Variants in FRMPD3 observed in about 807,000 individuals in gnomAD.
FRMPD3 encodes FERM and PDZ domain containing 3.
A neutral mutation model predicts 97.9 loss-of-function variants in FRMPD3; 42 were observed. That is an observed-to-expected ratio of 0.43 (90% confidence interval 0.34 to 0.55). FRMPD3 has a LOEUF of 0.55. Ranked by LOEUF, FRMPD3 falls within the 20% of genes least tolerant of loss-of-function variation. The probability of loss-of-function intolerance (pLI) is 0.03; values close to 1 mark genes in which losing one functional copy is unlikely to be tolerated. For synonymous variants in FRMPD3, 577 were observed against 581.1 expected (o/e 0.99, Z 0.10); for missense variants, 1,303 against 1,457.7 (o/e 0.89, Z 1.73).
At chrX:107,514,529 CTTTT>C (rs753016000) in intron 1 of FRMPD3, among the ~76,000 whole-genome samples, 1 of 95,491 alleles carries the variant, frequency 1.0e-5, no homozygotes. Flanking sequence ...TTTCCTTTTC[CTTTT>C]TTTTTTTTTT....
At position 107,595,541 on chromosome X, in the gene FRMPD3, G is replaced by A. The variant is rs570890894; in HGVS notation, c.1442-1780G>A. 4.2e-4 allele frequency among the ~76,000 whole-genome samples: 47 copies of A among 111,562 alleles called. 1 individual carries two copies. The South Asian group carries it at 0.017, about 40-fold the overall frequency. On this transcript the variant is annotated intron_variant, in intron 13 of 14. Coordinates refer to ENST00000683843, the MANE Select transcript of FRMPD3 (RefSeq NM_001388459.1). ...ATGTATATTCTGCTGCTGTTAAGTA[G>A]ATGGTTCTATAGATTTCGGTTAGGT... is the stretch of plus-strand genomic sequence containing the variant.
chrX:107,476,804 G>C (rs1489170258), intron 1 of FRMPD3, among the ~76,000 whole-genome samples: 2 of 112,690 alleles, frequency 1.8e-5, no homozygotes, highest in Admixed American at 1.9e-4. Context: ...CCTTACAGAT[G>C]AAGAAGCTAC....
chrX:107,527,051 A>G (rs904322686), intron 2 of FRMPD3, among the ~76,000 whole-genome samples: 25 of 111,755 alleles, frequency 2.2e-4, no homozygotes, highest in African/African-American at 6.2e-4. Context: ...AAAAAAATGT[A>G]CCTATTCTAT....
At chrX:107,478,628 A>G (rs968562829) in intron 1 of FRMPD3, among the ~76,000 whole-genome samples, 10 of 111,908 alleles carry the variant, frequency 8.9e-5, no homozygotes, top group African/African-American at 3.2e-4. Flanking sequence ...CTCGTTTTAA[A>G]TCCTTTCTGA....
chrX:107,525,767 A>G, intron 1 of FRMPD3: 1 of 490,573 alleles, frequency 2.0e-6, no homozygotes, highest in Non-Finnish European at 3.7e-6. Flanking sequence ...CTTAAGATGT[A>G]TTCAAGTTTA....
At chrX:107,458,895 G>C (rs1042319461) in intron 1 of FRMPD3, among the ~76,000 whole-genome samples, 2 of 111,337 alleles carry the variant, frequency 1.8e-5, no homozygotes, top group Non-Finnish European at 3.8e-5. Context: ...AATCCAAAAG[G>C]CTCTCAAGGC....
At chrX:107,582,186 C>CTT (rs1204660012) in intron 13 of FRMPD3, among the ~76,000 whole-genome samples, 1 of 102,754 alleles carries the variant, frequency 9.7e-6, no homozygotes, top group African/African-American at 3.5e-5. Flanking sequence ...TACTGTCCAT[C>CTT]TTTTTTTTTT....
chrX:107,579,391 A>T (rs766021397), intron 13 of FRMPD3, among the ~76,000 whole-genome samples: 7 of 112,268 alleles, frequency 6.2e-5, no homozygotes, highest in Non-Finnish European at 1.3e-4. Flanking sequence ...CTTGGGCTTT[A>T]TCAGTAGCTT....
At chrX:107,485,989 C>T (rs187542261) in intron 1 of FRMPD3, among the ~76,000 whole-genome samples, 31 of 112,149 alleles carry the variant, frequency 2.8e-4, no homozygotes, top group Non-Finnish European at 4.7e-4. Flanking sequence ...CTTCTCTGGC[C>T]GCGACTAAAC....
intron 12 of FRMPD3, among the ~76,000 whole-genome samples, chrX:107,568,741 T>C (rs1048044873): frequency 2.8e-5 from 3 of 107,191 alleles, no homozygotes; most frequent in Admixed American, 2.0e-4. Context: ...CTCAAAAAAA[T>C]AGAAAAAAAA....
chrX:107,528,867 G>C (rs919885983), intron 2 of FRMPD3, among the ~76,000 whole-genome samples: 1 of 112,945 alleles, frequency 8.9e-6, no homozygotes, highest in East Asian at 2.8e-4. Context: ...ATTGCTCCTC[G>C]AGCAATGAAT....
At chrX:107,514,074 G>C (rs1457056804) in intron 1 of FRMPD3, among the ~76,000 whole-genome samples, 1 of 111,618 alleles carries the variant, frequency 9.0e-6, no homozygotes, top group Non-Finnish European at 1.9e-5. Flanking sequence ...TGAAGAATGG[G>C]AAAAGAGGTT....
chrX:107,491,040 G>A (rs1043596272), intron 1 of FRMPD3, among the ~76,000 whole-genome samples: 6 of 111,469 alleles, frequency 5.4e-5, no homozygotes, highest in East Asian at 2.8e-4. Context: ...TTACAACTGC[G>A]AAAACTGACC....
chrX:107,482,968 G>T (rs1376395299), intron 1 of FRMPD3, among the ~76,000 whole-genome samples: 1 of 112,234 alleles, frequency 8.9e-6, no homozygotes, highest in Non-Finnish European at 1.9e-5. Context: ...TCAACCCACT[G>T]GTCTGATGTC....
At chrX:107,539,031 C>T (rs1921158607) in intron 4 of FRMPD3, among the ~76,000 whole-genome samples, 1 of 111,204 alleles carries the variant, frequency 9.0e-6, no homozygotes, top group Non-Finnish European at 1.9e-5. Flanking sequence ...ATAGTCACTT[C>T]TGATTCATTC....
At chrX:107,557,957 G>A (rs780815831) in intron 8 of FRMPD3, among the ~76,000 whole-genome samples, 58 of 104,486 alleles carry the variant, frequency 5.6e-4, no homozygotes, top group African/African-American at 1.5e-3. Flanking sequence ...GGAAGTATTT[G>A]TTCTCCAACT....
At chrX:107,483,168 G>A (rs1230869555) in intron 1 of FRMPD3, among the ~76,000 whole-genome samples, 1 of 112,134 alleles carries the variant, frequency 8.9e-6, no homozygotes, top group East Asian at 2.8e-4. Context: ...CTGCATAAAG[G>A]TACTCAGCCA....
At chrX:107,537,232 C>T (rs891320533) in intron 4 of FRMPD3, among the ~76,000 whole-genome samples, 1 of 111,781 alleles carries the variant, frequency 8.9e-6, no homozygotes, top group Non-Finnish European at 1.9e-5. Context: ...TCTTTTAAGA[C>T]CTTGTTTGAT....
chrX:107,580,648 C>T (rs778780769), intron 13 of FRMPD3, among the ~76,000 whole-genome samples: 1 of 111,599 alleles, frequency 9.0e-6, no homozygotes, highest in East Asian at 2.8e-4. Context: ...TGGTACATCC[C>T]CAGGACCTGT....
Sources: gnomAD v4.1 joint callset for allele counts (sites outside exome capture counted in the v4.1 genomes callset) on GRCh38, gnomAD v4.1.1 for gene constraint, MANE v1.5 for transcripts, NCBI Gene and HGNC (gene_info 2026-07-23, HGNC 2026-07-21) for gene names.